WDR43: variants seen among roughly 807,000 people sequenced by gnomAD.
WDR43 encodes the protein WD repeat domain 43.
In WDR43, 13 loss-of-function variants were observed where a neutral mutation model predicts 91.4. The ratio of observed to expected loss-of-function variants is 0.14; its 90% CI spans 0.09 to 0.23. The LOEUF is 0.23. Among genes scored for constraint, WDR43 ranks in the 10% least tolerant of loss-of-function variants. WDR43 has a pLI of 1.00. For synonymous variants in WDR43, 331 were observed against 287.9 expected, an observed-to-expected ratio of 1.15 and a Z score of -1.51; for missense variants, 780 against 809.4, an observed-to-expected ratio of 0.96 and a Z score of 0.44.
Position 28,894,762 on chromosome 2 carries a change from TC to T in WDR43, c.68del (p.Pro23ArgfsTer66). 6.2e-7 allele frequency: 1 copy of T among 1,602,658 alleles called. No individual in the cohort carries two copies. Among genetic ancestry groups the T allele is most frequent in the Admixed American group, 1.7e-5 (1 of 58,230 alleles). On this transcript the variant is annotated frameshift_variant, in exon 1 of 18. Coordinates refer to ENST00000407426, the MANE Select transcript of WDR43 (RefSeq NM_015131.3). LOFTEE classifies it high-confidence loss of function. ...CCCTGCTGGGGTCCCTTGCGCCTTC[TC>T]CCCGCACAGCCAGGCCTACTTCGCT... ...LAPAGVPCAF[S>X]PHSQAYFALA...
In WDR43 at chr2:28,898,844, G is replaced by A. The variant is rs74780255; in HGVS notation, c.226-3143G>A. Among the ~76,000 whole-genome samples the A allele has an allele frequency of 5.8e-4, 89 of 152,292 alleles. 2 individuals are homozygous for A. The highest frequency in any genetic ancestry group is 2.1e-3 in the African/African-American group (86 of 41,568). ...TTTTTCTGGGATTTTAGTCTAAAAA[G>A]TCATTACTTTAATTGCTGTACAAAT... is the stretch of plus-strand genomic sequence containing the variant. On this transcript the variant is annotated intron_variant, in intron 1 of 17. Coordinates refer to ENST00000407426, the MANE Select transcript of WDR43 (RefSeq NM_015131.3).
At chr2:28,942,761 G>A (rs1412152211) in intron 16 of WDR43, among the ~76,000 whole-genome samples, 6 of 151,702 alleles carry the variant, frequency 4.0e-5, no homozygotes, top group East Asian at 1.9e-4. Flanking sequence ...GACTACAGGC[G>A]TGCACCACCA....
At chr2:28,911,516 G>A (rs550237723) in intron 3 of WDR43, among the ~76,000 whole-genome samples, 1 of 151,840 alleles carries the variant, frequency 6.6e-6, no homozygotes. Flanking sequence ...GGATGGTCTC[G>A]ATCTCCTGAC....
intron 6 of WDR43, among the ~76,000 whole-genome samples, chr2:28,921,805 T>TG (rs1671032630): frequency 6.6e-6 from 1 of 152,158 alleles, no homozygotes; most frequent in Non-Finnish European, 1.5e-5. Flanking sequence ...TTGACCTCCC[T>TG]GGGCTCAAGT....
At position 28,894,926 on chromosome 2, in the gene WDR43, A is replaced by G. The variant is rs1254346492; in HGVS notation, c.225+3A>G. On this transcript the variant is annotated splice_donor_region_variant and intron_variant, in intron 1 of 17. Coordinates refer to ENST00000407426, the MANE Select transcript of WDR43 (RefSeq NM_015131.3). ...CGCCAGCGCGGCTGCAGGCCAAGGT[A>G]AAGCGAGCGGGACTGCGCGGGGCGG... The G allele has an allele frequency of 1.9e-6, 3 of 1,576,284 alleles. No homozygotes were observed. The highest frequency in any genetic ancestry group is 2.6e-6 in the Non-Finnish European group (3 of 1,161,990).
intron 6 of WDR43, 121 bp from the exon 7 acceptor site, chr2:28,922,798 T>TTTTC (rs1491322769): frequency 2.8e-5 from 3 of 106,870 alleles, no homozygotes. Flanking sequence ...TCTTGCTGTG[T>TTTTC]TTTTTTTTTT....
chr2:28,929,708 A>C lies in WDR43; in HGVS notation c.1435A>C (p.Asn479His). ...GLESNDFEML[N>H]KVLQTRNVNL... ...AGAAAGTAACGATTTTGAAATGCTA[A>C]ATGTAAGTATATAGCAATTTTTAAC... The change falls in exon 11 of 18, where the codon AAT becomes CAT. Residue 479 changes from asparagine to histidine, a missense_variant and splice_region_variant. By Grantham distance (68) the Asn-to-His change is moderately conservative. This residue lies in a region of WDR43 where 426 missense variants were observed against 467.8 expected (regional missense o/e 0.91). Coordinates refer to ENST00000407426, the MANE Select transcript of WDR43 (RefSeq NM_015131.3). 1 of 1,612,338 alleles carries C rather than the reference A, an allele frequency of 6.2e-7. No homozygotes were observed. The highest frequency in any genetic ancestry group is 8.5e-7 in the Non-Finnish European group (1 of 1,179,230).
intron 16 of WDR43, among the ~76,000 whole-genome samples, chr2:28,946,179 T>C (rs1671539226): frequency 6.6e-6 from 1 of 151,952 alleles, no homozygotes. Flanking sequence ...ATACCAAAAA[T>C]TAGCTGGGTG....
At chr2:28,896,858 G>C (rs754727222) in intron 1 of WDR43, among the ~76,000 whole-genome samples, 12 of 152,208 alleles carry the variant, frequency 7.9e-5, no homozygotes, top group Non-Finnish European at 1.3e-4. Context: ...ACAAACGAGA[G>C]TTGAGCTACA....
Position 28,904,527 on chromosome 2 carries a change from G to A in WDR43, c.364-1933G>A, listed in dbSNP as rs192186362. The stretch of plus-strand genomic sequence containing the variant: ...GCAATAGTATTATGTAACCTCACCA[G>A]CATGGGCATCATAAGGCTAAACACA... On this transcript the variant is annotated intron_variant, in intron 2 of 17. Coordinates refer to ENST00000407426, the MANE Select transcript of WDR43 (RefSeq NM_015131.3). Among the ~76,000 whole-genome samples the A allele has an allele frequency of 1.6e-4, 25 of 152,292 alleles. No individual in the cohort carries two copies. In the East Asian group the frequency reaches 2.9e-3, roughly 18 times the overall value.
chr2:28,916,120 A>G (rs916969893), intron 5 of WDR43, among the ~76,000 whole-genome samples: 3 of 152,222 alleles, frequency 2.0e-5, no homozygotes, highest in African/African-American at 7.2e-5. Flanking sequence ...CTCACCACAA[A>G]CAAGATAATG....
At chr2:28,909,013 C>T (rs1347264818) in intron 3 of WDR43, among the ~76,000 whole-genome samples, 1 of 152,104 alleles carries the variant, frequency 6.6e-6, no homozygotes, top group African/African-American at 2.4e-5. Context: ...AGGTCATTCT[C>T]TATTAGTGGT....
intron 14 of WDR43, among the ~76,000 whole-genome samples, chr2:28,940,037 G>GT (rs1215159843): frequency 6.6e-6 from 1 of 151,544 alleles, no homozygotes; most frequent in African/African-American, 2.4e-5. Context: ...CGTGAACCCG[G>GT]GGGGGCAGAG....
chr2:28,935,499 TAATC>T lies in WDR43; in HGVS notation c.1438-21_1438-18del. On this transcript the variant is annotated intron_variant, in intron 11 of 17. Coordinates refer to ENST00000407426, the MANE Select transcript of WDR43 (RefSeq NM_015131.3). ...TGGTTTGTCAGTATGCTCATCTTAA[TAATC>T]CTTTTATTTTCTCACAGAAAGTACT... 1.3e-6 allele frequency: 2 copies of T among 1,533,926 alleles called. No individual in the cohort carries two copies. The highest frequency in any genetic ancestry group is 2.3e-5 in the East Asian group (1 of 43,694).
intron 9 of WDR43, chr2:28,926,975 AGCATCATCATG>A (rs1671153654): frequency 4.1e-6 from 2 of 489,150 alleles, no homozygotes; most frequent in South Asian, 2.9e-5. Flanking sequence ...AAAGCATAGG[AGCATCATCATG>A]GTGCTCCATT....
At chr2:28,916,061 C>T (rs1670903002) in intron 5 of WDR43, among the ~76,000 whole-genome samples, 1 of 152,104 alleles carries the variant, frequency 6.6e-6, no homozygotes, top group African/African-American at 2.4e-5. Flanking sequence ...CTGCACATAC[C>T]AGAGTGTACA....
chr2:28,944,966 AT>A (rs1235198994), intron 16 of WDR43, among the ~76,000 whole-genome samples: 4 of 152,184 alleles, frequency 2.6e-5, no homozygotes, highest in Non-Finnish European at 5.9e-5. Context: ...ATATTTTTGG[AT>A]TGCAGTTGCC....
chr2:28,926,033 A>G (rs902078538), intron 8 of WDR43, among the ~76,000 whole-genome samples: 1 of 152,174 alleles, frequency 6.6e-6, no homozygotes, highest in Admixed American at 6.5e-5. Flanking sequence ...GCATTTTGTT[A>G]ATCAACAGTG....
At chr2:28,895,028 C>T (rs936002015) in intron 1 of WDR43, 105 bp downstream of exon 1, 1 of 1,218,082 alleles carries the variant, frequency 8.2e-7, no homozygotes, top group Non-Finnish European at 1.1e-6. Context: ...TCTCAGCGGC[C>T]CGGGCCAGAA....
Sources: gnomAD v4.1 joint callset for allele counts (sites outside exome capture counted in the v4.1 genomes callset) on GRCh38, gnomAD v4.1.1 for gene constraint, gnomAD v4.1.1 regional missense constraint, MANE v1.5 for transcripts, NCBI Gene and HGNC (gene_info 2026-07-23, HGNC 2026-07-21) for gene names.